The following CSMD1 variants were observed in gnomAD, a reference collection of about 807,000 sequenced individuals.
The protein encoded by CSMD1 is CUB and sushi domain-containing protein 1.
In CSMD1, 213 loss-of-function variants were observed where a neutral mutation model predicts 417.5. That is an observed-to-expected ratio of 0.51 (90% confidence interval 0.46 to 0.57). The LOEUF (loss-of-function observed/expected upper bound fraction) is 0.57, where lower values mean the gene tolerates loss of function less well. Ranked by LOEUF, CSMD1 falls within the 20% of genes least tolerant of loss-of-function variation. The pLI is 0.00. For missense variants in CSMD1, 6,923 were observed against 4,529.7 expected, an observed-to-expected ratio of 1.53 and a Z score of -15.17; for synonymous variants, 2,862 against 1,736.8, an observed-to-expected ratio of 1.65 and a Z score of -16.11.
At chr8:3,533,807 A>G (rs1005067060) in intron 10 of CSMD1, among the ~76,000 whole-genome samples, 1 of 152,190 alleles carries the variant, frequency 6.6e-6, no homozygotes, top group East Asian at 1.9e-4. Context: ...GGAAAACATG[A>G]AAGTTCACTT....
chr8:3,372,982 G>C (rs1303354162), intron 18 of CSMD1, among the ~76,000 whole-genome samples: 2 of 152,130 alleles, frequency 1.3e-5, no homozygotes, highest in Non-Finnish European at 2.9e-5. Flanking sequence ...TCTATGATTG[G>C]ATTGGTATGA....
rs1800576853 is a variant in CSMD1, at chr8:4,601,455, T to G, written c.302+35887A>C. Among the ~76,000 whole-genome samples, 4 of 152,054 alleles carry G rather than the reference T, an allele frequency of 2.6e-5. No individual in the cohort carries two copies. In the South Asian group the frequency reaches 8.3e-4, roughly 32 times the overall value. On this transcript the variant is annotated intron_variant, in intron 2 of 69. Coordinates refer to ENST00000635120, the MANE Select transcript of CSMD1 (RefSeq NM_033225.6). ...CTTCTACAGGGATCATCTCATCTGTTCCTGAATGTTAAGTTGGTAGGACAG... is the reference window on the plus strand; with the variant it reads ...CTTCTACAGGGATCATCTCATCTGTGCCTGAATGTTAAGTTGGTAGGACAG...
chr8:3,934,324 A>C (rs1810343307), intron 5 of CSMD1, among the ~76,000 whole-genome samples: 1 of 152,190 alleles, frequency 6.6e-6, no homozygotes, highest in Non-Finnish European at 1.5e-5. Context: ...AAATTTCAAA[A>C]ATAGTTAACA....
chr8:3,183,631 T>G (rs2129048698), intron 36 of CSMD1, among the ~76,000 whole-genome samples: 1 of 151,788 alleles, frequency 6.6e-6, no homozygotes, highest in Non-Finnish European at 1.5e-5. Flanking sequence ...AACGATACCA[T>G]CGGCATCCAC....
intron 2 of CSMD1, among the ~76,000 whole-genome samples, chr8:4,581,969 G>C (rs762658723): frequency 6.6e-5 from 10 of 152,186 alleles, no homozygotes; most frequent in Admixed American, 1.3e-4. Context: ...AGCATTTGAT[G>C]GAAGACAAAC....
intron 5 of CSMD1, among the ~76,000 whole-genome samples, chr8:3,836,821 A>G (rs1033332332): frequency 6.6e-6 from 1 of 152,186 alleles, no homozygotes; most frequent in Non-Finnish European, 1.5e-5. Context: ...AAATAATTTT[A>G]TAACTCAATT....
At chr8:4,361,087 C>G (rs984956117) in intron 3 of CSMD1, among the ~76,000 whole-genome samples, 1 of 152,118 alleles carries the variant, frequency 6.6e-6, no homozygotes, top group South Asian at 2.1e-4. Context: ...TTTGTCAGTT[C>G]TCATGCTACA....
chr8:4,083,321 A>T (rs1800239962), intron 3 of CSMD1, among the ~76,000 whole-genome samples: 1 of 152,094 alleles, frequency 6.6e-6, no homozygotes, highest in East Asian at 1.9e-4. Flanking sequence ...CTGGTGTGAG[A>T]TGGTATCTCA....
chr8:3,110,142 T>A lies in CSMD1; in HGVS notation c.6608+16A>T. ...GATCACAATTACAGATATTTTGACT[T>A]GAGAGGTTCTCATACCAAACAGCAA... On this transcript the variant is annotated intron_variant, in intron 43 of 69. Transcript: ENST00000635120. 1 of 1,583,302 alleles carries A rather than the reference T, an allele frequency of 6.3e-7. No homozygotes were observed. The highest frequency in any genetic ancestry group is 8.6e-7 in the Non-Finnish European group (1 of 1,162,148).
rs374290492 is a variant in CSMD1, at chr8:4,360,878, G to T, written c.415+59075C>A. On this transcript the variant is annotated intron_variant, in intron 3 of 69. Transcript: ENST00000635120. ...TTTATCTATCTTTAATATTGGTAAA[G>T]CACTGACAGGTCCCCTGAAAGTAGA... Among the ~76,000 whole-genome samples the T allele has an allele frequency of 7.2e-5, 11 of 152,252 alleles. No individual in the cohort carries two copies. The East Asian group carries it at 1.4e-3, about 19-fold the overall frequency.
At chr8:3,738,978 G>A (rs894422183) in intron 6 of CSMD1, among the ~76,000 whole-genome samples, 2 of 152,152 alleles carry the variant, frequency 1.3e-5, no homozygotes, top group African/African-American at 2.4e-5. Context: ...TCAAACTTTA[G>A]ACATGATCTA....
intron 59 of CSMD1, among the ~76,000 whole-genome samples, chr8:2,965,557 C>A (rs1174785479): frequency 6.6e-6 from 1 of 152,170 alleles, no homozygotes; most frequent in East Asian, 1.9e-4. Context: ...GTTTGTGATC[C>A]TAAGCCTTTT....
intron 2 of CSMD1, among the ~76,000 whole-genome samples, chr8:4,443,642 C>T (rs575337259): frequency 4.6e-4 from 70 of 152,290 alleles, no homozygotes; most frequent in African/African-American, 1.6e-3. Context: ...ACAGCCATGC[C>T]GTTGACGTGC....
At chr8:3,719,639 C>G (rs1465315999) in intron 6 of CSMD1, among the ~76,000 whole-genome samples, 4 of 152,140 alleles carry the variant, frequency 2.6e-5, no homozygotes, top group African/African-American at 7.2e-5. Flanking sequence ...AAAGTGCACT[C>G]TGGGTAGGGC....
intron 5 of CSMD1, among the ~76,000 whole-genome samples, chr8:3,877,032 C>T (rs1168496978): frequency 1.3e-5 from 2 of 152,130 alleles, no homozygotes; most frequent in East Asian, 1.9e-4. Flanking sequence ...ATTTTCATTT[C>T]GTATAGTGTT....
chr8:3,105,844 G>C (rs923585045), intron 46 of CSMD1, among the ~76,000 whole-genome samples: 10 of 152,210 alleles, frequency 6.6e-5, no homozygotes, highest in African/African-American at 2.2e-4. Flanking sequence ...ATAGGCATGT[G>C]ATAAAGGAAA....
chr8:4,508,077 G>GA (rs1428385362), intron 2 of CSMD1, among the ~76,000 whole-genome samples: 2 of 66,480 alleles, frequency 3.0e-5, no homozygotes, highest in South Asian at 4.1e-4. Flanking sequence ...GAGCTATGTA[G>GA]AAAAAAAATA....
intron 3 of CSMD1, among the ~76,000 whole-genome samples, chr8:4,257,116 G>A (rs1437518860): frequency 3.9e-5 from 6 of 152,058 alleles, no homozygotes; most frequent in Non-Finnish European, 8.8e-5. Context: ...TACTCTATAT[G>A]AGTCATACTC....
chr8:3,240,162 G>T (rs547362500), intron 26 of CSMD1, among the ~76,000 whole-genome samples: 1 of 152,096 alleles, frequency 6.6e-6, no homozygotes, highest in African/African-American at 2.4e-5. Flanking sequence ...TACTCGGTGC[G>T]GTCCCGGTTC....
Sources: allele counts gnomAD v4.1 joint callset (sites outside exome capture counted in the v4.1 genomes callset), GRCh38; gene constraint gnomAD v4.1.1; transcripts MANE v1.5; gene names NCBI Gene and HGNC (gene_info 2026-07-23, HGNC 2026-07-21).